Variants in GYS1 observed in about 807,000 individuals in gnomAD.
GYS1 encodes the protein glycogen synthase 1.
Under a neutral mutation model 89.1 loss-of-function variants are expected in GYS1, and 60 were observed. The observed-to-expected ratio is 0.67, with a 90% CI of 0.55 to 0.84. The LOEUF is 0.84. GYS1 is among the 40% of genes least tolerant of loss of function. The probability of loss-of-function intolerance (pLI) is 0.00; values close to 1 mark genes in which losing one functional copy is unlikely to be tolerated. For synonymous variants in GYS1, 366 were observed against 401.7 expected, an observed-to-expected ratio of 0.91 and a Z score of 1.06; for missense variants, 888 against 1,003.1, an observed-to-expected ratio of 0.89 and a Z score of 1.55.
intron 5 of GYS1, 148 bp from the exon 6 acceptor site, chr19:48,982,985 T>G (rs2038790324): frequency 1.5e-6 from 1 of 658,614 alleles, no homozygotes. Context: ...CCACCTTTTT[T>G]GTTTGTTTGT....
chr19:48,974,221 T>C lies in GYS1; in HGVS notation c.1541A>G (p.Tyr514Cys). 1.2e-6 allele frequency: 2 copies of C among 1,604,712 alleles called. No homozygotes were observed. The highest frequency in any genetic ancestry group is 1.7e-6 in the Non-Finnish European group (2 of 1,175,572). The stretch of plus-strand genomic sequence containing the variant: ...CTGCCCACTACACTCACCCGGTGTG[T>C]AGCCCCAAGGCTCATAGTAGGAGGG... ...VFPSYYEPWG[Y>C]TPAECTVMGI... is the part of the protein sequence containing the mutation. Residue 514 changes from tyrosine (Y) to cysteine (C), a missense_variant, in exon 12 of 16, where the codon TAC (tyrosine) becomes TGC (cysteine). Physicochemically the swap from Tyr to Cys is radical, Grantham distance 194. Coordinates refer to ENST00000323798, the MANE Select transcript of GYS1 (RefSeq NM_002103.5).
chr19:48,979,027 G>A (rs1313475378), intron 8 of GYS1, among the ~76,000 whole-genome samples: 2 of 152,112 alleles, frequency 1.3e-5, no homozygotes, highest in African/African-American at 4.8e-5. Flanking sequence ...TTTTTCAGAG[G>A]AGGATGAAAA....
intron 4 of GYS1, 91 bp from the exon 5 acceptor site, chr19:48,985,696 G>T: frequency 6.5e-7 from 1 of 1,538,448 alleles, no homozygotes; most frequent in Non-Finnish European, 9.0e-7. Context: ...AATTGGTGCT[G>T]GGGGCTGGAT....
intron 5 of GYS1, among the ~76,000 whole-genome samples, chr19:48,984,444 G>A (rs1013750483): frequency 6.7e-6 from 1 of 149,498 alleles, no homozygotes; most frequent in Admixed American, 6.7e-5. Context: ...TGTCCAGGCT[G>A]GAGTGCAGTG....
At position 48,974,848 on chromosome 19, in the gene GYS1, G is replaced by A. The variant is rs2038620990; in HGVS notation, c.1309-115C>T. On this transcript the variant is annotated intron_variant, in intron 10 of 15. Coordinates refer to ENST00000323798, the MANE Select transcript of GYS1 (RefSeq NM_002103.5). Reference sequence around the variant, plus strand: ...AGGAGACCACAAATGCACCGGACGTGGGGCAACAAACCCAAGTGATCACCA... The same window carrying A: ...AGGAGACCACAAATGCACCGGACGTAGGGCAACAAACCCAAGTGATCACCA... 4.3e-6 allele frequency: 3 copies of A among 695,576 alleles called. No individual in the cohort carries two copies. The Admixed American group carries it at 6.5e-5, about 15-fold the overall frequency. The allele number at this position is 695,576 out of a possible 1,614,324, so 43.1% of individuals were successfully genotyped here. A position where few individuals can be genotyped will look rare whatever the true frequency, so the allele number is the denominator to read the frequency against.
In GYS1 at chr19:48,974,291, C is replaced by G; in HGVS notation, c.1471G>C (p.Val491Leu). 7 of 1,613,834 alleles carry G rather than the reference C, an allele frequency of 4.3e-6. No homozygotes were observed. The highest frequency in any genetic ancestry group is 5.9e-6 in the Non-Finnish European group (7 of 1,179,776). ...CCACGGACAAACTCCTCATAGTCCA[C>G]AGGGAGCAGGGGGCTTGTGGAGGAG... ...FLSSTSPLLP[V>L]DYEEFVRGCH... The change falls in exon 12 of 16, where the codon GTG becomes CTG. Residue 491 changes from valine to leucine, a missense_variant. Val to Leu is a conservative substitution (Grantham distance 32). Coordinates refer to ENST00000323798, the MANE Select transcript of GYS1 (RefSeq NM_002103.5).
rs761136467 is a variant in GYS1, at chr19:48,985,989, T to C, written c.539A>G (p.His180Arg). 1.2e-6 allele frequency: 2 copies of C among 1,614,184 alleles called. No homozygotes were observed. Among genetic ancestry groups the C allele is most frequent in the Non-Finnish European group, 1.7e-6 (2 of 1,180,038 alleles). Residue 180 changes from histidine (H) to arginine (R), a missense_variant, in exon 4 of 16, where the codon CAT becomes CGT. Coordinates refer to ENST00000323798, the MANE Select transcript of GYS1 (RefSeq NM_002103.5). ...EEKPHVVAHF[H>R]EWLAGVGLCL... ...GAGTCCAACGCCTGCCAACCACTCATGGAAGTGAGCAACCACATGTGGCTT... is the reference window on the plus strand; with the variant it reads ...GAGTCCAACGCCTGCCAACCACTCACGGAAGTGAGCAACCACATGTGGCTT...
At chr19:48,977,499 A>C (rs189666806) in intron 10 of GYS1, among the ~76,000 whole-genome samples, 175 of 151,320 alleles carry the variant, frequency 1.2e-3, no homozygotes, top group African/African-American at 3.9e-3. Flanking sequence ...AGGCCAAGGC[A>C]GGAGTATTGC....
In GYS1 at chr19:48,968,929, C is replaced by T. The variant is rs1420745996; in HGVS notation, c.*359G>A. 3.9e-6 allele frequency: 2 copies of T among 512,670 alleles called. No homozygotes were observed. The highest frequency in any genetic ancestry group is 4.5e-5 in the Admixed American group (2 of 44,178). 31.8% of individuals were successfully genotyped at this position (512,670 alleles called of 1,614,324 possible). On this transcript the variant is annotated 3_prime_UTR_variant, in exon 16 of 16. Coordinates refer to ENST00000323798, the MANE Select transcript of GYS1 (RefSeq NM_002103.5). Reference sequence around the variant, plus strand: ...TGTATGCTGTAGAATTTGTAAGCCACACGGGGGGCTCTAAAAGCCCCAGAC... The same window carrying T: ...TGTATGCTGTAGAATTTGTAAGCCATACGGGGGGCTCTAAAAGCCCCAGAC...
chr19:48,978,043 TGA>T lies in GYS1; in HGVS notation c.1230-43_1230-42del, dbSNP rs1251400251. On this transcript the variant is annotated intron_variant, in intron 9 of 15. Transcript: ENST00000323798. ...GGGCATGCATGTGAGAACGGAGTAA[TGA>T]GAGGGGTTAGTCAGGGCCTAGGAGG... 3.1e-6 allele frequency: 5 copies of T among 1,605,702 alleles called. No homozygotes were observed. In the South Asian group the frequency reaches 5.5e-5, roughly 18 times the overall value.
rs113388715 is a variant in GYS1, at chr19:48,976,720, A to T, written c.1308+1204T>A. On this transcript the variant is annotated intron_variant, in intron 10 of 15. Transcript: ENST00000323798. Reference sequence around the variant, plus strand: ...AGGCCCAAGGAGAGCTGAGAGTTGTAATTCTTTTATGGCTGTCTTGACCTT... The same window carrying T: ...AGGCCCAAGGAGAGCTGAGAGTTGTTATTCTTTTATGGCTGTCTTGACCTT... Among the ~76,000 whole-genome samples, 550 of 152,152 alleles carry T rather than the reference A, an allele frequency of 3.6e-3. 4 individuals carry two copies. Among genetic ancestry groups the T allele is most frequent in the African/African-American group, 0.013 (530 of 41,506 alleles).
Position 48,982,820 on chromosome 19 carries a change from C to T in GYS1, c.841G>A (p.Gly281Arg). The change falls in exon 6 of 16, where the codon GGG becomes AGG. Residue 281 changes from glycine (G) to arginine (R), a missense_variant. Physicochemically the swap from Gly to Arg is moderately radical, Grantham distance 125. Transcript: ENST00000323798. ...GCAGAAAACTTCTTCACATTCAGCC[C>T]ATTGGGGGTCACAATATCTGGGATT... ...KRKPDIVTPNGLNVKKFSAMH... is the reference protein window; with the variant it reads ...KRKPDIVTPNRLNVKKFSAMH... 6.2e-7 allele frequency: 1 copy of T among 1,606,060 alleles called. No individual in the cohort carries two copies. Among genetic ancestry groups the T allele is most frequent in the South Asian group, 1.1e-5 (1 of 90,934 alleles).
At chr19:48,980,932 T>C (rs1243702545) in intron 8 of GYS1, among the ~76,000 whole-genome samples, 1 of 148,646 alleles carries the variant, frequency 6.7e-6, no homozygotes, top group Non-Finnish European at 1.5e-5. Flanking sequence ...CTGGCCAATA[T>C]AGTGAAAACC....
intron 2 of GYS1, among the ~76,000 whole-genome samples, chr19:48,989,998 TG>T (rs998261396): frequency 0.02 from 982 of 49,602 alleles, 31 homozygotes; most frequent in African/African-American, 0.035. Context: ...GCCCTTTTGC[TG>T]GGGGGGGGGG....
intron 14 of GYS1, 62 bp from the exon 15 acceptor site, chr19:48,969,917 GA>G (rs1402125858): frequency 7.9e-6 from 9 of 1,142,104 alleles, no homozygotes; most frequent in Admixed American, 1.7e-5. Context: ...CCAGGCAGAT[GA>G]TGGGGGTCTT....
chr19:48,974,823 A>G, intron 10 of GYS1, 90 bp from the exon 11 acceptor site: 2 of 874,444 alleles, frequency 2.3e-6, no homozygotes, highest in South Asian at 1.4e-5. Flanking sequence ...GGGGGAGCCA[A>G]GGAGACCACA....
intron 8 of GYS1, among the ~76,000 whole-genome samples, chr19:48,979,971 G>A (rs377419362): frequency 6.6e-6 from 1 of 152,080 alleles, no homozygotes; most frequent in Middle Eastern, 3.4e-3. Flanking sequence ...TTGAGACAGA[G>A]TCTCACTCTG....
At chr19:48,971,580 G>T (rs2038566711) in intron 12 of GYS1, among the ~76,000 whole-genome samples, 1 of 151,090 alleles carries the variant, frequency 6.6e-6, no homozygotes, top group Admixed American at 6.6e-5. Context: ...TTCGAGACAG[G>T]GTCTCACTCT....
At chr19:48,982,626 G>C (rs2038784527) in intron 6 of GYS1, 94 bp downstream of exon 6, 1 of 988,308 alleles carries the variant, frequency 1.0e-6, no homozygotes, top group Admixed American at 1.7e-5. Flanking sequence ...TCAGACCCAG[G>C]AGTCTGGGCC....
Sources: allele counts gnomAD v4.1 joint callset (sites outside exome capture counted in the v4.1 genomes callset), GRCh38; gene constraint gnomAD v4.1.1; transcripts MANE v1.5; gene names NCBI Gene and HGNC (gene_info 2026-07-23, HGNC 2026-07-21).